Variants in GNB1L observed in about 807,000 individuals in gnomAD.
GNB1L encodes the protein guanine nucleotide-binding protein subunit beta-like protein 1.
GNB1L carries 20 observed loss-of-function variants against 29.1 expected under a neutral mutation model. The ratio of observed to expected loss-of-function variants is 0.69; its 90% CI spans 0.48 to 1.00. GNB1L has a LOEUF of 1.00. Ranked by LOEUF, GNB1L falls within the 50% of genes least tolerant of loss-of-function variation. The pLI is 0.00. For synonymous variants in GNB1L, 193 were observed against 206.5 expected, an observed-to-expected ratio of 0.93 and a Z score of 0.56; for missense variants, 421 against 464.9, an observed-to-expected ratio of 0.91 and a Z score of 0.87.
chr22:19,847,902 G>C (rs1938003816), intron 2 of GNB1L: 2 of 980,536 alleles, frequency 2.0e-6, no homozygotes, highest in African/African-American at 1.8e-5. Flanking sequence ...CTGGCATAAA[G>C]AGTGAGGCAC....
chr22:19,853,587 G>T (rs1938161781), intron 2 of GNB1L, among the ~76,000 whole-genome samples: 1 of 152,162 alleles, frequency 6.6e-6, no homozygotes, highest in Non-Finnish European at 1.5e-5. Flanking sequence ...CCTATCTGCT[G>T]GCCATCCCCC....
At chr22:19,792,028 A>G (rs903058431) in intron 7 of GNB1L, among the ~76,000 whole-genome samples, 1 of 152,236 alleles carries the variant, frequency 6.6e-6, no homozygotes, top group Admixed American at 6.5e-5. Context: ...ACTGAACTCC[A>G]TACCAGAATG....
chr22:19,852,290 AG>A, intron 2 of GNB1L: 6 of 1,576,338 alleles, frequency 3.8e-6, no homozygotes, highest in Non-Finnish European at 4.3e-6. Flanking sequence ...AAGAGAGGAG[AG>A]CCAGCACTGG....
At chr22:19,828,103 A>G (rs1458552193) in intron 2 of GNB1L, among the ~76,000 whole-genome samples, 1 of 152,256 alleles carries the variant, frequency 6.6e-6, no homozygotes, top group African/African-American at 2.4e-5. Context: ...TGTTCACAAC[A>G]CGTATCTGTT....
At chr22:19,843,064 T>C (rs1182061311) in intron 2 of GNB1L, among the ~76,000 whole-genome samples, 9 of 152,242 alleles carry the variant, frequency 5.9e-5, no homozygotes, top group Admixed American at 5.9e-4. Context: ...CTGTTCCCCT[T>C]TGAAGCCTCG....
chr22:19,818,081 A>G (rs1937546754), intron 4 of GNB1L, among the ~76,000 whole-genome samples: 1 of 152,202 alleles, frequency 6.6e-6, no homozygotes, highest in South Asian at 2.1e-4. Context: ...GCTCTAGTAC[A>G]GTGCAGACGC....
At chr22:19,840,876 TCTTCCCAAAACC>T (rs957415306) in intron 2 of GNB1L, among the ~76,000 whole-genome samples, 6 of 152,088 alleles carry the variant, frequency 3.9e-5, no homozygotes, top group Non-Finnish European at 7.4e-5. Flanking sequence ...TTTGTGCTTT[TCTTCCCAAAACC>T]CTTAAGCTCA....
At position 19,790,161 on chromosome 22, in the gene GNB1L, C is replaced by T. The variant is rs142989678; in HGVS notation, c.733-1201G>A. The stretch of plus-strand genomic sequence containing the variant: ...AAGACTAGAAGATTAACTCCAGTCT[C>T]GTAAGAGATAACTGGAGAACTGCAG... On this transcript the variant is annotated intron_variant, in intron 7 of 7. Transcript: ENST00000329517. 4.1e-4 allele frequency among the ~76,000 whole-genome samples: 63 copies of T among 152,338 alleles called. No individual in the cohort carries two copies. The East Asian group carries it at 0.011, about 26-fold the overall frequency.
intron 2 of GNB1L, chr22:19,851,647 C>A: frequency 6.3e-7 from 1 of 1,594,038 alleles, no homozygotes; most frequent in Non-Finnish European, 8.6e-7. Context: ...GCTGAGGGGC[C>A]ACTGGCAGCT....
chr22:19,821,137 A>G, intron 3 of GNB1L, 91 bp downstream of exon 3: 1 of 1,334,360 alleles, frequency 7.5e-7, no homozygotes, highest in Non-Finnish European at 1.0e-6. Flanking sequence ...CCCCTTGGCC[A>G]GCACCCTCAA....
chr22:19,803,424 C>T (rs1202877636), intron 6 of GNB1L, among the ~76,000 whole-genome samples: 6 of 152,154 alleles, frequency 3.9e-5, no homozygotes, highest in South Asian at 2.1e-4. Flanking sequence ...TGCCAGAGTC[C>T]ACATTGTCCC....
chr22:19,847,297 G>T, intron 2 of GNB1L: 1 of 984,636 alleles, frequency 1.0e-6, no homozygotes, highest in Non-Finnish European at 1.2e-6. Flanking sequence ...CTTTGTTACT[G>T]CAGCACAATC....
At chr22:19,852,297 A>C (rs1196222040) in intron 2 of GNB1L, 2 of 1,570,782 alleles carry the variant, frequency 1.3e-6, no homozygotes, top group East Asian at 4.5e-5. Flanking sequence ...GAGAGCCAGC[A>C]CTGGTGGGTG....
intron 2 of GNB1L, among the ~76,000 whole-genome samples, chr22:19,833,193 C>A (rs1937709325): frequency 6.6e-6 from 1 of 152,108 alleles, no homozygotes; most frequent in South Asian, 2.1e-4. Flanking sequence ...CAGATGCCAA[C>A]CTTGAGAAGA....
chr22:19,841,270 GT>G (rs1429705162), intron 2 of GNB1L, among the ~76,000 whole-genome samples: 14 of 152,160 alleles, frequency 9.2e-5, no homozygotes, highest in African/African-American at 2.9e-4. Flanking sequence ...CACAGGTTAT[GT>G]TTCAAATAAA....
At chr22:19,850,524 T>C in intron 2 of GNB1L, 1 of 1,073,478 alleles carries the variant, frequency 9.3e-7, no homozygotes, top group Non-Finnish European at 1.1e-6. Context: ...GCAAGGGGCT[T>C]GCATCCCACC....
chr22:19,828,840 T>A (rs960565943), intron 2 of GNB1L, among the ~76,000 whole-genome samples: 1 of 151,342 alleles, frequency 6.6e-6, no homozygotes, highest in Non-Finnish European at 1.5e-5. Context: ...TTTTTCTTTT[T>A]TTTTTTTTTG....
intron 2 of GNB1L, chr22:19,850,994 T>C: frequency 2.2e-6 from 3 of 1,394,656 alleles, no homozygotes; most frequent in Non-Finnish European, 2.8e-6. Context: ...TCTGCTGGAG[T>C]TGGGGGAGCT....
chr22:19,840,815 AAAAAAAAG>A (rs939516813), intron 2 of GNB1L, among the ~76,000 whole-genome samples: 1 of 152,172 alleles, frequency 6.6e-6, no homozygotes, highest in Non-Finnish European at 1.5e-5. Context: ...GTCTCAAAAA[AAAAAAAAG>A]AAAGAAAGAA....
Sources: gnomAD v4.1 joint callset for allele counts (sites outside exome capture counted in the v4.1 genomes callset) on GRCh38, gnomAD v4.1.1 for gene constraint, MANE v1.5 for transcripts, NCBI Gene and HGNC (gene_info 2026-07-23, HGNC 2026-07-21) for gene names.